PGK1: variants seen among roughly 807,000 people sequenced by gnomAD.
PGK1 encodes the protein phosphoglycerate kinase 1.
Under a neutral mutation model 26.9 loss-of-function variants are expected in PGK1, and 3 were observed. The ratio of observed to expected loss-of-function variants is 0.11; its 90% CI spans 0.05 to 0.29. The LOEUF is 0.29. PGK1 is among the 10% of genes least tolerant of loss of function. The pLI is 1.00. For synonymous variants in PGK1, 125 were observed against 115.3 expected, an observed-to-expected ratio of 1.08 and a Z score of -0.54; for missense variants, 270 against 314.7, an observed-to-expected ratio of 0.86 and a Z score of 1.07.
At chrX:78,105,354 G>C (rs1231101077) in intron 1 of PGK1, among the ~76,000 whole-genome samples, 5 of 111,782 alleles carry the variant, frequency 4.5e-5, no homozygotes, top group African/African-American at 1.6e-4. Context: ...TGTAACTGAT[G>C]GACTTGACTG....
At chrX:78,105,604 T>G (rs1161433646) in intron 1 of PGK1, among the ~76,000 whole-genome samples, 1 of 111,616 alleles carries the variant, frequency 9.0e-6, no homozygotes, top group Non-Finnish European at 1.9e-5. Context: ...TTTAAACATA[T>G]GAGGACACGT....
chrX:78,119,989 T>G (rs2078345978), intron 6 of PGK1, among the ~76,000 whole-genome samples: 1 of 111,407 alleles, frequency 9.0e-6, no homozygotes, highest in Non-Finnish European at 1.9e-5. Context: ...TGGGCTTTGT[T>G]CTTCAACTTT....
chrX:78,109,291 G>A (rs2078288032), intron 1 of PGK1, among the ~76,000 whole-genome samples: 1 of 111,258 alleles, frequency 9.0e-6, no homozygotes, highest in African/African-American at 3.3e-5. Context: ...TCTCCAAAAA[G>A]AATGATTTTC....
Position 78,125,943 on chromosome X carries a change from A to G in PGK1, c.*113A>G. On this transcript the variant is annotated 3_prime_UTR_variant, in exon 11 of 11. Transcript: ENST00000373316. ...CATGTCAAGATTCAGCTAGTGGCCA[A>G]GAGATGCAGTGCCAGGAACCCTTAA... 5 of 650,385 alleles carry G rather than the reference A, an allele frequency of 7.7e-6. No homozygotes were observed. The highest frequency in any genetic ancestry group is 1.3e-5 in the Non-Finnish European group (5 of 385,870). 53.6% of individuals were successfully genotyped at this position (650,385 alleles called of 1,213,427 possible).
intron 6 of PGK1, among the ~76,000 whole-genome samples, chrX:78,120,520 G>C (rs1194688289): frequency 9.3e-6 from 1 of 107,928 alleles, no homozygotes; most frequent in Non-Finnish European, 1.9e-5. Flanking sequence ...TCTGATACAG[G>C]GTCTCACTCT....
At chrX:78,106,054 T>G (rs1312906885) in intron 1 of PGK1, among the ~76,000 whole-genome samples, 2 of 112,147 alleles carry the variant, frequency 1.8e-5, no homozygotes, top group Admixed American at 1.9e-4. Flanking sequence ...ATTGCAGTCT[T>G]GGGCTTTATT....
rs1243835896 is a variant in PGK1, at chrX:78,129,272, T to C, written c.*3442T>C. On this transcript the variant is annotated 3_prime_UTR_variant, in exon 11 of 11. Coordinates refer to ENST00000373316, the MANE Select transcript of PGK1 (RefSeq NM_000291.4). ...ATCTATCTATCTATCTGTATATAGA[T>C]ATATTAAAATGTAAATGGTGGCATA... 1 of 111,506 alleles carries C rather than the reference T, an allele frequency of 9.0e-6. No individual in the cohort carries two copies. The highest frequency in any genetic ancestry group is 9.6e-5 in the Admixed American group (1 of 10,436). 9.2% of individuals were successfully genotyped at this position (111,506 alleles called of 1,213,427 possible).
At chrX:78,107,396 C>T (rs1337973296) in intron 1 of PGK1, among the ~76,000 whole-genome samples, 2 of 111,340 alleles carry the variant, frequency 1.8e-5, no homozygotes, top group Non-Finnish European at 3.8e-5. Context: ...ATAATAATAA[C>T]CACCCCCCTT....
chrX:78,114,647 T>TTCG (rs2078318140), intron 4 of PGK1, among the ~76,000 whole-genome samples: 2 of 110,507 alleles, frequency 1.8e-5, no homozygotes, highest in Non-Finnish European at 3.8e-5. Context: ...AGTGGTGCTG[T>TTCG]TGGTCTTTAG....
At chrX:78,118,270 A>G in intron 6 of PGK1, 100 bp downstream of exon 6, 1 of 884,978 alleles carries the variant, frequency 1.1e-6, no homozygotes, top group Non-Finnish European at 1.7e-6. Flanking sequence ...CACACTGGGT[A>G]ACTGAGGAGA....
intron 2 of PGK1, 90 bp from the exon 3 acceptor site, chrX:78,113,654 G>A (rs1212449127): frequency 8.5e-6 from 7 of 820,131 alleles, no homozygotes; most frequent in Non-Finnish European, 1.3e-5. Context: ...AAGAAAAGGA[G>A]CTTTATGCTT....
intron 5 of PGK1, 33 bp downstream of exon 5, chrX:78,117,448 A>G (rs1557247576): frequency 1.1e-6 from 1 of 913,622 alleles, no homozygotes; most frequent in Admixed American, 2.2e-5. Context: ...CCACACTGAG[A>G]ACAGTATTCC....
At chrX:78,110,634 A>C (rs921066294) in intron 2 of PGK1, among the ~76,000 whole-genome samples, 21 of 110,174 alleles carry the variant, frequency 1.9e-4, no homozygotes, top group African/African-American at 6.6e-4. Flanking sequence ...AAATATAAAA[A>C]TTTAAGGTTA....
intron 1 of PGK1, chrX:78,106,605 A>G: frequency 1.3e-6 from 1 of 752,728 alleles, no homozygotes; most frequent in Non-Finnish European, 1.6e-6. Context: ...TGCAGAAGTG[A>G]ACTATGGTAT....
At chrX:78,119,530 G>A (rs1400922833) in intron 6 of PGK1, among the ~76,000 whole-genome samples, 1 of 111,503 alleles carries the variant, frequency 9.0e-6, no homozygotes, top group Non-Finnish European at 1.9e-5. Flanking sequence ...TCTGGAGTTG[G>A]GTGTCAATTT....
intron 6 of PGK1, among the ~76,000 whole-genome samples, chrX:78,121,772 A>T (rs782391912): frequency 8.9e-6 from 1 of 112,491 alleles, no homozygotes; most frequent in South Asian, 3.7e-4. Flanking sequence ...AGAAAATAAG[A>T]TCCCAAAGGG....
intron 1 of PGK1, among the ~76,000 whole-genome samples, chrX:78,109,092 A>T (rs1257100129): frequency 1.8e-5 from 2 of 111,740 alleles, no homozygotes; most frequent in Non-Finnish European, 3.8e-5. Flanking sequence ...TAACATAGTA[A>T]TCTGTTGGGT....
intron 4 of PGK1, among the ~76,000 whole-genome samples, chrX:78,116,154 CT>C (rs782648979): frequency 2.7e-5 from 3 of 111,224 alleles, no homozygotes; most frequent in Non-Finnish European, 5.7e-5. Context: ...GCTACTGCCC[CT>C]GGCCTCCTTA....
At chrX:78,106,117 G>A (rs1557246177) in intron 1 of PGK1, among the ~76,000 whole-genome samples, 1 of 111,562 alleles carries the variant, frequency 9.0e-6, no homozygotes, top group African/African-American at 3.3e-5. Flanking sequence ...GGCGGGATTG[G>A]AGGAGCTGCT....
Sources: allele counts gnomAD v4.1 joint callset (sites outside exome capture counted in the v4.1 genomes callset), GRCh38; gene constraint gnomAD v4.1.1; transcripts MANE v1.5; gene names NCBI Gene and HGNC (gene_info 2026-07-23, HGNC 2026-07-21).